KCNH8: variants seen among roughly 807,000 people sequenced by gnomAD.
KCNH8 encodes potassium voltage-gated channel subfamily H member 8, also known as voltage-gated delayed rectifier potassium channel KCNH8.
KCNH8 carries 70 observed loss-of-function variants against 103.6 expected under a neutral mutation model. That is an observed-to-expected ratio of 0.68 (90% confidence interval 0.56 to 0.82). The LOEUF is 0.82. Among genes scored for constraint, KCNH8 ranks in the 40% least tolerant of loss-of-function variants. The pLI is 0.00. For synonymous variants in KCNH8, 498 were observed against 489.4 expected (o/e 1.02, Z -0.23); for missense variants, 1,217 against 1,329.9 (o/e 0.92, Z 1.32).
chr3:19,347,873 C>G lies in KCNH8; in HGVS notation c.719C>G (p.Pro240Arg). The change falls in exon 5 of 16, where the codon CCT becomes CGT. Residue 240 changes from proline to arginine, a missense_variant. Physicochemically the swap from Pro to Arg is moderately radical, Grantham distance 103. This residue lies in a region of KCNH8 where 415 missense variants were observed against 577.4 expected (regional missense o/e 0.72). Coordinates refer to ENST00000328405, the MANE Select transcript of KCNH8 (RefSeq NM_144633.3). Reference protein sequence around the residue: ...LATFYVAVTVPYNVCFIGNDD... With the variant: ...LATFYVAVTVRYNVCFIGNDD... ...ACGTTTTATGTTGCTGTGACTGTAC[C>G]TTACAACGTTTGCTTTATTGGCAAT... 6.2e-7 allele frequency: 1 copy of G among 1,613,378 alleles called. No homozygotes were observed. Among genetic ancestry groups the G allele is most frequent in the Non-Finnish European group, 8.5e-7 (1 of 1,179,522 alleles).
intron 11 of KCNH8, among the ~76,000 whole-genome samples, chr3:19,469,404 G>T (rs2067807734): frequency 6.6e-6 from 1 of 152,032 alleles, no homozygotes; most frequent in African/African-American, 2.4e-5. Flanking sequence ...ATTGTACTTG[G>T]ATCCAGTATG....
intron 1 of KCNH8, among the ~76,000 whole-genome samples, chr3:19,151,617 A>G (rs1316012612): frequency 2.0e-5 from 3 of 152,128 alleles, no homozygotes; most frequent in African/African-American, 2.4e-5. Context: ...ATATATGACA[A>G]CATAAAACTC....
Position 19,266,164 on chromosome 3 carries a change from C to T in KCNH8, c.310+12277C>T, listed in dbSNP as rs559142522. Among the ~76,000 whole-genome samples, 5 of 152,208 alleles carry T rather than the reference C, an allele frequency of 3.3e-5. No homozygotes were observed. In the South Asian group the frequency reaches 6.2e-4, roughly 19 times the overall value. ...TTGCCTTTCAGGATAAATAAAAACT[C>T]TTCACTCTGGCATATAAAGCCATTC... On this transcript the variant is annotated intron_variant, in intron 2 of 15. Transcript: ENST00000328405.
chr3:19,349,621 T>C (rs112429091), intron 5 of KCNH8, among the ~76,000 whole-genome samples: 387 of 152,290 alleles, frequency 2.5e-3, no homozygotes, highest in Non-Finnish European at 3.9e-3. Flanking sequence ...TCTTAGATAT[T>C]TGACATTCTT....
At chr3:19,289,237 C>A (rs879458346) in intron 3 of KCNH8, among the ~76,000 whole-genome samples, 7 of 151,852 alleles carry the variant, frequency 4.6e-5, no homozygotes, top group Admixed American at 3.3e-4. Context: ...TTAATTAGAT[C>A]CCATTTGTCA....
intron 1 of KCNH8, among the ~76,000 whole-genome samples, chr3:19,238,152 CTTAGTA>C (rs906759254): frequency 1.3e-5 from 2 of 152,154 alleles, no homozygotes; most frequent in African/African-American, 4.8e-5. Context: ...AGTCATCCAT[CTTAGTA>C]TTAGTTCTTT....
intron 1 of KCNH8, among the ~76,000 whole-genome samples, chr3:19,192,187 G>A (rs2063559648): frequency 6.6e-6 from 1 of 151,458 alleles, no homozygotes; most frequent in South Asian, 2.1e-4. Flanking sequence ...ACCGTTTATA[G>A]TTTTCTTGTA....
chr3:19,260,276 CTA>C (rs2125258066), intron 2 of KCNH8, among the ~76,000 whole-genome samples: 1 of 150,960 alleles, frequency 6.6e-6, no homozygotes, highest in East Asian at 2.0e-4. Context: ...GGGCAACACG[CTA>C]TGTTCATGCA....
At chr3:19,262,077 C>T (rs1012729499) in intron 2 of KCNH8, among the ~76,000 whole-genome samples, 1 of 151,294 alleles carries the variant, frequency 6.6e-6, no homozygotes, top group Non-Finnish European at 1.5e-5. Flanking sequence ...TAGTCAGAAT[C>T]ATTTTGACTA....
At chr3:19,174,761 A>C (rs1395804695) in intron 1 of KCNH8, among the ~76,000 whole-genome samples, 5 of 152,214 alleles carry the variant, frequency 3.3e-5, no homozygotes, top group Non-Finnish European at 7.3e-5. Context: ...TATGACTGTT[A>C]AAGTCTGGAG....
chr3:19,252,304 T>A (rs1195265713), intron 1 of KCNH8, among the ~76,000 whole-genome samples: 1 of 152,252 alleles, frequency 6.6e-6, no homozygotes, highest in Non-Finnish European at 1.5e-5. Context: ...AGTTTAATGT[T>A]ACTAATTACT....
chr3:19,369,145 T>C (rs1040111065), intron 5 of KCNH8, among the ~76,000 whole-genome samples: 1 of 152,026 alleles, frequency 6.6e-6, no homozygotes, highest in East Asian at 1.9e-4. Flanking sequence ...TTTTGAACAG[T>C]GGAGGTAACA....
At chr3:19,523,202 A>C (rs1329357593) in intron 15 of KCNH8, among the ~76,000 whole-genome samples, 1 of 151,912 alleles carries the variant, frequency 6.6e-6, no homozygotes, top group Non-Finnish European at 1.5e-5. Flanking sequence ...CTGTGTTTGC[A>C]TTACATTTCA....
At chr3:19,468,422 A>G (rs1019279618) in intron 11 of KCNH8, among the ~76,000 whole-genome samples, 2 of 152,258 alleles carry the variant, frequency 1.3e-5, no homozygotes, top group Non-Finnish European at 1.5e-5. Flanking sequence ...ATTTAGGATT[A>G]TATCTGTTAG....
intron 3 of KCNH8, among the ~76,000 whole-genome samples, chr3:19,311,545 T>C (rs898918520): frequency 6.6e-6 from 1 of 151,796 alleles, no homozygotes; most frequent in Non-Finnish European, 1.5e-5. Context: ...ATTTTTTGCC[T>C]CTTGGCTGTC....
intron 2 of KCNH8, among the ~76,000 whole-genome samples, chr3:19,260,670 ATAGTC>A (rs1443469888): frequency 2.0e-5 from 3 of 148,826 alleles, no homozygotes; most frequent in African/African-American, 7.3e-5. Flanking sequence ...ATTATTAACT[ATAGTC>A]TTCTTCTTGT....
chr3:19,494,659 A>G (rs1484892880), intron 11 of KCNH8, among the ~76,000 whole-genome samples: 2 of 152,160 alleles, frequency 1.3e-5, no homozygotes, highest in African/African-American at 4.8e-5. Context: ...GCTGCAGTGA[A>G]CATATGCATC....
intron 7 of KCNH8, among the ~76,000 whole-genome samples, chr3:19,413,337 T>C (rs928159889): frequency 1.3e-5 from 2 of 151,762 alleles, no homozygotes; most frequent in Non-Finnish European, 2.9e-5. Context: ...CAGGTGCTCA[T>C]GGACATAAAT....
intron 7 of KCNH8, among the ~76,000 whole-genome samples, chr3:19,419,078 G>T (rs990645226): frequency 4.0e-5 from 6 of 151,824 alleles, no homozygotes; most frequent in African/African-American, 1.5e-4. Flanking sequence ...TACACATCTG[G>T]AATAAAATTT....
Sources: allele counts gnomAD v4.1 joint callset (sites outside exome capture counted in the v4.1 genomes callset), GRCh38; gene constraint gnomAD v4.1.1; regional missense constraint gnomAD v4.1.1; transcripts MANE v1.5; gene names NCBI Gene and HGNC (gene_info 2026-07-23, HGNC 2026-07-21).